GAB4: variants seen among roughly 807,000 people sequenced by gnomAD.
GAB4 encodes the protein GRB2 associated binding protein family member 4, also known as GRB2-associated-binding protein 4.
GAB4 carries 26 observed loss-of-function variants against 51.3 expected under a neutral mutation model. The observed-to-expected ratio is 0.51, with a 90% CI of 0.37 to 0.70. GAB4 has a LOEUF of 0.70. GAB4 is among the 30% of genes least tolerant of loss of function. GAB4 has a pLI of 0.00. For missense variants in GAB4, 759 were observed against 734.6 expected, an observed-to-expected ratio of 1.03 and a Z score of -0.38; for synonymous variants, 329 against 291.2, an observed-to-expected ratio of 1.13 and a Z score of -1.32.
At chr22:17,000,557 A>C (rs1370282347) in intron 1 of GAB4, among the ~76,000 whole-genome samples, 1 of 152,140 alleles carries the variant, frequency 6.6e-6, no homozygotes, top group Non-Finnish European at 1.5e-5. Context: ...GGGTCTCCTG[A>C]AAACAGCACA....
At chr22:16,979,773 G>A (rs2060811718) in intron 3 of GAB4, among the ~76,000 whole-genome samples, 1 of 152,114 alleles carries the variant, frequency 6.6e-6, no homozygotes, top group African/African-American at 2.4e-5. Context: ...TATACTATGA[G>A]GCTACAGGCA....
Position 16,987,966 on chromosome 22 carries a change from T to G in GAB4, c.680A>C (p.His227Pro). The change falls in exon 3 of 10, where the codon CAT becomes CCT. Residue 227 changes from histidine to proline, a missense_variant. This residue lies in a region of GAB4 where 588 missense variants were observed against 510.2 expected (regional missense o/e 1.15). Coordinates refer to ENST00000400588, the MANE Select transcript of GAB4 (RefSeq NM_001037814.1). ...GGCCATAGTAGCCCCCTACCTTGCA[T>G]GTTCTGCTCTCTGGCTGGCGTGCTG... ...SHQHASQRAE[H>P]ARSASFSQGS... 6.3e-7 allele frequency: 1 copy of G among 1,599,324 alleles called. No homozygotes were observed. The highest frequency in any genetic ancestry group is 1.1e-5 in the South Asian group (1 of 88,574).
intron 2 of GAB4, among the ~76,000 whole-genome samples, chr22:16,991,270 C>A (rs2060911481): frequency 6.6e-6 from 1 of 151,134 alleles, no homozygotes; most frequent in South Asian, 2.1e-4. Context: ...TGATGTGCAA[C>A]CAGGTTCAAG....
In GAB4 at chr22:16,968,301, G is replaced by A. The variant is rs2060698879; in HGVS notation, c.1020C>T (p.Phe340=). The A allele has an allele frequency of 1.2e-6, 2 of 1,612,638 alleles. No homozygotes were observed. Among genetic ancestry groups the A allele is most frequent in the Non-Finnish European group, 8.5e-7 (1 of 1,178,690 alleles). The change falls in exon 5 of 10, where the codon TTC becomes TTT. Residue 340 remains phenylalanine, a synonymous_variant. Transcript: ENST00000400588. ...AESMHEGVCS[F]LPGRTLVGLS... ...CCCCTGGTTAAGCCATACTCACCAG[G>A]AAAGAACAGACTCCCTCATGCATGG...
At chr22:16,987,939 C>T (rs1364012831) in intron 3 of GAB4, 21 bp downstream of exon 3, 1 of 1,571,420 alleles carries the variant, frequency 6.4e-7, no homozygotes, top group Admixed American at 1.9e-5. Flanking sequence ...ACTGCCCCCA[C>T]TGGCCATAGT....
chr22:16,990,964 G>A (rs1021412537), intron 2 of GAB4, among the ~76,000 whole-genome samples: 3 of 152,002 alleles, frequency 2.0e-5, no homozygotes, highest in Admixed American at 1.3e-4. Context: ...GATGAGCTGA[G>A]AATGGTTTTT....
intron 3 of GAB4, among the ~76,000 whole-genome samples, chr22:16,984,285 A>G (rs2080095): frequency 0.35 from 53,150 of 152,118 alleles, 9,630 homozygotes; most frequent in South Asian, 0.46. Flanking sequence ...GGCTATTATC[A>G]AAAAGATAAT....
chr22:16,963,000 A>T, intron 9 of GAB4, 124 bp from the exon 10 acceptor site: 1 of 867,882 alleles, frequency 1.2e-6, no homozygotes, highest in Non-Finnish European at 1.8e-6. Flanking sequence ...TCCTGCTCTC[A>T]GCAGCCTGGG....
At chr22:16,989,442 G>A (rs1208694353) in intron 2 of GAB4, among the ~76,000 whole-genome samples, 1 of 152,204 alleles carries the variant, frequency 6.6e-6, no homozygotes, top group Non-Finnish European at 1.5e-5. Flanking sequence ...CTCCTCTCCA[G>A]CTGTTTCTGA....
intron 1 of GAB4, among the ~76,000 whole-genome samples, chr22:16,992,973 G>A (rs1032678858): frequency 6.6e-6 from 1 of 152,102 alleles, no homozygotes; most frequent in African/African-American, 2.4e-5. Flanking sequence ...TGATCCTCCT[G>A]CTTCCGCCTC....
intron 7 of GAB4, 69 bp downstream of exon 7, chr22:16,965,109 C>A: frequency 8.5e-7 from 1 of 1,180,196 alleles, no homozygotes; most frequent in Non-Finnish European, 1.2e-6. Flanking sequence ...GACCACAAGC[C>A]AATGACCATC....
At chr22:16,971,648 A>G (rs2123659303) in intron 3 of GAB4, among the ~76,000 whole-genome samples, 1 of 152,360 alleles carries the variant, frequency 6.6e-6, no homozygotes. Flanking sequence ...GTGTCTCCCC[A>G]GAATGAGGCA....
chr22:16,978,896 T>C (rs1277513243), intron 3 of GAB4, among the ~76,000 whole-genome samples: 1 of 152,230 alleles, frequency 6.6e-6, no homozygotes, highest in African/African-American at 2.4e-5. Context: ...TCAATAAATG[T>C]AATCCATCAT....
Position 17,008,005 on chromosome 22 carries a change from C to G in GAB4, c.110G>C (p.Ser37Thr). 6.2e-7 allele frequency: 1 copy of G among 1,612,556 alleles called. No individual in the cohort carries two copies. The highest frequency in any genetic ancestry group is 8.5e-7 in the Non-Finnish European group (1 of 1,179,538). ...CCAGCCGCTGTACAGCACGTGGCCACTTCTCGTGCTTCCGCCGGCGGGGCC... is the reference window on the plus strand; with the variant it reads ...CCAGCCGCTGTACAGCACGTGGCCAGTTCTCGTGCTTCCGCCGGCGGGGCC... ...GSGPAGGSTRSGHVLYSGWLR... is the reference protein window; with the variant it reads ...GSGPAGGSTRTGHVLYSGWLR... Residue 37 changes from serine to threonine, a missense_variant, in exon 1 of 10, where the codon AGT becomes ACT. By Grantham distance (58) the Ser-to-Thr change is moderately conservative. Transcript: ENST00000400588.
intron 4 of GAB4, chr22:16,969,503 A>G (rs2060711405): frequency 2.1e-6 from 1 of 470,884 alleles, no homozygotes; most frequent in South Asian, 6.1e-5. Context: ...CAGTGACCTG[A>G]GTGGCTCCCA....
intron 1 of GAB4, among the ~76,000 whole-genome samples, chr22:17,005,450 C>T (rs1216987884): frequency 2.0e-5 from 3 of 152,176 alleles, no homozygotes; most frequent in Admixed American, 6.5e-5. Flanking sequence ...AGATTCATTG[C>T]TATTCCAATC....
rs144631921 is a variant in GAB4 at position 17,006,092 on chromosome 22, G to A, written c.174+1849C>T. Among the ~76,000 whole-genome samples the A allele has an allele frequency of 3.2e-3, 483 of 152,238 alleles. 1 individual carries two copies. Among genetic ancestry groups the A allele is most frequent in the African/African-American group, 0.01 (418 of 41,546 alleles). On this transcript the variant is annotated intron_variant, in intron 1 of 9. Coordinates refer to ENST00000400588, the MANE Select transcript of GAB4 (RefSeq NM_001037814.1). ...CATCAGCGTGAACAGGCAACCTACC[G>A]AATGGCAGAAATTTTTTCCAATCTA...
At chr22:17,006,757 C>A (rs1170223390) in intron 1 of GAB4, among the ~76,000 whole-genome samples, 1 of 152,242 alleles carries the variant, frequency 6.6e-6, no homozygotes, top group East Asian at 1.9e-4. Flanking sequence ...TACACTGGAA[C>A]AGAAAACCAA....
rs564054734 is a variant in GAB4, at chr22:16,981,364, T to TAA, written c.686+6594_686+6595dup. On this transcript the variant is annotated intron_variant, in intron 3 of 9. Transcript: ENST00000400588. Reference sequence around the variant, plus strand: ...CAAAAACTTTGCTTTTTTGAAAAGATAAACAAAATTGATAATCCTTTAGCT... The same window carrying TAA: ...CAAAAACTTTGCTTTTTTGAAAAGATAAAAACAAAATTGATAATCCTTTAGCT... Among the ~76,000 whole-genome samples the TAA allele has an allele frequency of 4.9e-4, 74 of 151,758 alleles. 2 individuals are homozygous for TAA. The East Asian group carries it at 0.013, about 26-fold the overall frequency.
Sources: gnomAD v4.1 joint callset for allele counts (sites outside exome capture counted in the v4.1 genomes callset) on GRCh38, gnomAD v4.1.1 for gene constraint, gnomAD v4.1.1 regional missense constraint, MANE v1.5 for transcripts, NCBI Gene and HGNC (gene_info 2026-07-23, HGNC 2026-07-21) for gene names.